Variants in CCDC102B observed in about 807,000 individuals in gnomAD.
CCDC102B encodes the protein coiled-coil domain-containing protein 102B.
A neutral mutation model predicts 57.4 loss-of-function variants in CCDC102B; 75 were observed. That is an observed-to-expected ratio of 1.31 (90% confidence interval 1.08 to 1.58). The LOEUF is 1.58. Ranked by LOEUF, CCDC102B falls within the 40% of genes most tolerant of loss-of-function variation. CCDC102B has a pLI of 0.00. For synonymous variants in CCDC102B, 206 were observed against 201.9 expected (o/e 1.02, Z -0.17); for missense variants, 636 against 582.6 (o/e 1.09, Z -0.94).
At chr18:69,017,413 A>T (rs954433657) in intron 7 of CCDC102B, among the ~76,000 whole-genome samples, 1 of 152,162 alleles carries the variant, frequency 6.6e-6, no homozygotes, top group African/African-American at 2.4e-5. Context: ...GGCGTGAACC[A>T]TCTTGCCAGG....
intron 1 of CCDC102B, among the ~76,000 whole-genome samples, chr18:68,822,938 C>T (rs2036751913): frequency 6.6e-6 from 1 of 152,158 alleles, no homozygotes; most frequent in Non-Finnish European, 1.5e-5. Flanking sequence ...CTCTCTATGC[C>T]TAAGTGACAA....
chr18:68,766,687 T>A (rs1474413037), intron 2 of CCDC102B, among the ~76,000 whole-genome samples: 3 of 152,162 alleles, frequency 2.0e-5, no homozygotes, highest in South Asian at 2.1e-4. Flanking sequence ...CTTTATCTTT[T>A]CATTTTGGAT....
intron 6 of CCDC102B, among the ~76,000 whole-genome samples, chr18:68,921,308 G>A (rs2145109075): frequency 6.6e-6 from 1 of 152,204 alleles, no homozygotes; most frequent in South Asian, 2.1e-4. Context: ...TAAGTTTCAT[G>A]AGATATGATG....
chr18:68,980,354 C>A (rs539258359), intron 6 of CCDC102B, among the ~76,000 whole-genome samples: 2,311 of 146,016 alleles, frequency 0.016, 69 homozygotes, highest in African/African-American at 0.055. Flanking sequence ...ACATAACTTA[C>A]TTAGGGCCTG....
chr18:68,753,743 G>C (rs2033948205), intron 2 of CCDC102B: 1 of 151,706 alleles, frequency 6.6e-6, no homozygotes, highest in African/African-American at 2.4e-5. Context: ...AAAAAAAAAT[G>C]TAGGGATTGG....
chr18:68,833,107 A>C (rs1266434620), intron 1 of CCDC102B, among the ~76,000 whole-genome samples: 1 of 152,126 alleles, frequency 6.6e-6, no homozygotes, highest in Non-Finnish European at 1.5e-5. Context: ...TTATAGTGAA[A>C]ACAGTTGATA....
chr18:68,822,818 A>G lies in CCDC102B; in HGVS notation c.-15-13931A>G, dbSNP rs998635347. On this transcript the variant is annotated intron_variant, in intron 1 of 7. Coordinates refer to ENST00000360242, the MANE Select transcript of CCDC102B (RefSeq NM_024781.3). ...CAAAGGACAATATTTCATTCTTTCT[A>G]TGGCTGTGTAGTATTTCATGATATA... 2.6e-5 allele frequency among the ~76,000 whole-genome samples: 4 copies of G among 152,004 alleles called. No homozygotes were observed. The East Asian group carries it at 5.8e-4, about 22-fold the overall frequency.
At chr18:68,836,642 ATT>A in intron 1 of CCDC102B, 105 bp from the exon 2 acceptor site, 1 of 703,464 alleles carries the variant, frequency 1.4e-6, no homozygotes, top group East Asian at 3.1e-5. Context: ...AAAAAAAAGC[ATT>A]GTTTTCATCA....
chr18:68,930,550 A>T (rs1357149909), intron 6 of CCDC102B, among the ~76,000 whole-genome samples: 1 of 151,854 alleles, frequency 6.6e-6, no homozygotes, highest in African/African-American at 2.4e-5. Flanking sequence ...GGCAAAACGG[A>T]GCTGAAATTA....
chr18:68,896,041 A>C (rs1370177525), intron 5 of CCDC102B, among the ~76,000 whole-genome samples: 2 of 152,012 alleles, frequency 1.3e-5, no homozygotes, highest in African/African-American at 4.8e-5. Context: ...AAACCTTGTC[A>C]GATTAAATAA....
At chr18:69,030,795 C>T (rs1298516403) in intron 7 of CCDC102B, among the ~76,000 whole-genome samples, 1 of 152,182 alleles carries the variant, frequency 6.6e-6, no homozygotes, top group East Asian at 1.9e-4. Context: ...GCTGGGACTA[C>T]AGGTGTACAC....
At chr18:68,878,241 T>C (rs1004154251) in intron 5 of CCDC102B, among the ~76,000 whole-genome samples, 2 of 152,022 alleles carry the variant, frequency 1.3e-5, no homozygotes, top group Non-Finnish European at 2.9e-5. Flanking sequence ...GGACTACAGG[T>C]GCGCACCACT....
chr18:68,982,302 G>A (rs568474992), intron 6 of CCDC102B, among the ~76,000 whole-genome samples: 41 of 151,820 alleles, frequency 2.7e-4, no homozygotes, highest in Non-Finnish European at 2.9e-4. Context: ...CTTAGTATAT[G>A]AATATATGTG....
chr18:68,959,215 C>T (rs2049985343), intron 6 of CCDC102B, among the ~76,000 whole-genome samples: 1 of 152,180 alleles, frequency 6.6e-6, no homozygotes, highest in East Asian at 1.9e-4. Flanking sequence ...GTCATATCTG[C>T]TTTAGGGGGT....
rs1407098450 is a variant in CCDC102B, at chr18:68,836,955, C to T, written c.192C>T (p.Thr64=). 5 of 1,613,992 alleles carry T rather than the reference C, an allele frequency of 3.1e-6. No homozygotes were observed. Among genetic ancestry groups the T allele is most frequent in the African/African-American group, 1.3e-5 (1 of 74,892 alleles). Residue 64 remains threonine (T), a synonymous_variant, in exon 2 of 8, where the codon ACC becomes ACT. Transcript: ENST00000360242. ...AHNFCAHSYN[T]NKWDICEELR... Reference sequence around the variant, plus strand: ...ATTTCTGTGCTCACTCATATAACACCAACAAATGGGATATTTGTGAAGAAC... The same window carrying T: ...ATTTCTGTGCTCACTCATATAACACTAACAAATGGGATATTTGTGAAGAAC...
intron 4 of CCDC102B, among the ~76,000 whole-genome samples, chr18:68,851,568 G>A (rs1038048987): frequency 6.6e-6 from 1 of 152,054 alleles, no homozygotes; most frequent in African/African-American, 2.4e-5. Flanking sequence ...CATTGTCAAG[G>A]TACCTCTCAG....
chr18:68,869,623 A>G (rs2039151111), intron 4 of CCDC102B, among the ~76,000 whole-genome samples: 2 of 152,126 alleles, frequency 1.3e-5, no homozygotes, highest in Admixed American at 1.3e-4. Context: ...GGATATTAGA[A>G]GTTTGTCAGA....
intron 2 of CCDC102B, among the ~76,000 whole-genome samples, chr18:68,732,080 T>C (rs961878909): frequency 6.7e-6 from 1 of 150,024 alleles, no homozygotes; most frequent in Non-Finnish European, 1.5e-5. Flanking sequence ...TGTTGATATA[T>C]TTTGAGTTAC....
chr18:68,776,306 A>G (rs1050892274), intron 2 of CCDC102B, among the ~76,000 whole-genome samples: 3 of 152,196 alleles, frequency 2.0e-5, no homozygotes, highest in Non-Finnish European at 4.4e-5. Flanking sequence ...AACTACTTGG[A>G]CATTTTTCAT....
Sources: allele counts gnomAD v4.1 joint callset (sites outside exome capture counted in the v4.1 genomes callset), GRCh38; gene constraint gnomAD v4.1.1; transcripts MANE v1.5; gene names NCBI Gene and HGNC (gene_info 2026-07-23, HGNC 2026-07-21).